The following LY96 variants were observed in gnomAD, a reference collection of about 807,000 sequenced individuals.
LY96 encodes the protein lymphocyte antigen 96.
A neutral mutation model predicts 18.9 loss-of-function variants in LY96; 18 were observed. That is an observed-to-expected ratio of 0.95 (90% CI 0.66 to 1.41). LY96 has a LOEUF of 1.41. Among genes scored for constraint, LY96 ranks in the 40% most tolerant of loss-of-function variants. The probability of loss-of-function intolerance (pLI) is 0.00; values close to 1 mark genes in which losing one functional copy is unlikely to be tolerated. For synonymous variants in LY96, 66 were observed against 62.6 expected (o/e 1.06, Z -0.26); for missense variants, 175 against 182.4 (o/e 0.96, Z 0.23).
intron 1 of LY96, among the ~76,000 whole-genome samples, chr8:73,994,405 G>C (rs899155161): frequency 6.6e-6 from 1 of 152,182 alleles, no homozygotes; most frequent in African/African-American, 2.4e-5. Context: ...GAGGGTGTTG[G>C]TGACAACAAC....
intron 1 of LY96, among the ~76,000 whole-genome samples, chr8:73,999,449 G>A (rs1181419748): frequency 4.6e-5 from 7 of 151,582 alleles, no homozygotes; most frequent in Admixed American, 1.3e-4. Flanking sequence ...TTGTACAGAC[G>A]GGGTTTTGCC....
chr8:74,002,746 A>T (rs1586649385), intron 1 of LY96, among the ~76,000 whole-genome samples: 4 of 150,872 alleles, frequency 2.7e-5, no homozygotes, highest in Admixed American at 2.6e-4. Flanking sequence ...TAATTTTTGT[A>T]TTTTTTTCAT....
At chr8:74,055,792 A>T in the LY96 span, 1 of 152,280 alleles carries the variant, frequency 6.6e-6, no homozygotes, top group East Asian at 1.9e-4. Context: ...AGGCATGAGA[A>T]GCATTTGCGT....
chr8:74,037,350 C>T, the LY96 span, among the ~76,000 whole-genome samples: 1 of 152,110 alleles, frequency 6.6e-6, no homozygotes, highest in Non-Finnish European at 1.5e-5. Flanking sequence ...AAATAAGAGC[C>T]TGGCGTGGTG....
chr8:74,014,270 T>G (rs2131272081), intron 3 of LY96, among the ~76,000 whole-genome samples: 1 of 148,340 alleles, frequency 6.7e-6, no homozygotes, highest in East Asian at 2.0e-4. Flanking sequence ...AAAAATTAGC[T>G]GGGTGTGGTG....
intron 3 of LY96, among the ~76,000 whole-genome samples, chr8:74,012,500 C>G (rs1029577789): frequency 6.6e-6 from 1 of 152,030 alleles, no homozygotes; most frequent in East Asian, 1.9e-4. Flanking sequence ...ACATGTACTA[C>G]AGAGTGGAAT....
At chr8:74,053,540 C>G in the LY96 span, among the ~76,000 whole-genome samples, 1 of 152,148 alleles carries the variant, frequency 6.6e-6, no homozygotes, top group African/African-American at 2.4e-5. Context: ...CTTGTCTGTG[C>G]TTCAGATACT....
chr8:74,094,166 G>A, the LY96 span, among the ~76,000 whole-genome samples: 2 of 152,056 alleles, frequency 1.3e-5, no homozygotes, highest in Non-Finnish European at 2.9e-5. Context: ...AATTGTGGGT[G>A]GGGTGTGGGT....
the LY96 span, among the ~76,000 whole-genome samples, chr8:74,088,480 C>A: frequency 1.3e-5 from 2 of 152,154 alleles, no homozygotes; most frequent in East Asian, 3.8e-4. Flanking sequence ...CACCACATAC[C>A]CCCAAGCATC....
At chr8:74,019,060 A>G (rs1448838148) in intron 3 of LY96, among the ~76,000 whole-genome samples, 5 of 152,232 alleles carry the variant, frequency 3.3e-5, no homozygotes, top group Non-Finnish European at 5.9e-5. Flanking sequence ...AGAAGGAAAG[A>G]AATAACTAAG....
chr8:74,059,074 A>T, the LY96 span, among the ~76,000 whole-genome samples: 100 of 152,296 alleles, frequency 6.6e-4, no homozygotes, highest in East Asian at 0.017. Context: ...ACATTGGGGA[A>T]GGCCATCATC....
In LY96 at chr8:74,010,177, T is replaced by C. The variant is rs763729930; in HGVS notation, c.331+48T>C. 6 of 1,534,194 alleles carry C rather than the reference T, an allele frequency of 3.9e-6. No individual in the cohort carries two copies. In the South Asian group the frequency reaches 5.7e-5, roughly 15 times the overall value. Reference sequence around the variant, plus strand: ...TTTTAGAATAGGAAATAATTCTTTATGAAAATGTTATGAAAATTAAATACA... The same window carrying C: ...TTTTAGAATAGGAAATAATTCTTTACGAAAATGTTATGAAAATTAAATACA... On this transcript the variant is annotated intron_variant, in intron 3 of 4. Transcript: ENST00000284818.
intron 2 of LY96, among the ~76,000 whole-genome samples, chr8:74,007,478 T>C (rs10504554): frequency 0.26 from 39,735 of 152,178 alleles, 6,992 homozygotes; most frequent in African/African-American, 0.5. Flanking sequence ...TGGTATAAAG[T>C]GTGAGGCCAC....
At chr8:74,087,947 T>C in the LY96 span, among the ~76,000 whole-genome samples, 1 of 152,172 alleles carries the variant, frequency 6.6e-6, no homozygotes, top group Admixed American at 6.5e-5. Context: ...TTCTTTTTCT[T>C]GTCTGAATCC....
chr8:74,084,902 A>G, the LY96 span, among the ~76,000 whole-genome samples: 3 of 152,352 alleles, frequency 2.0e-5, no homozygotes, highest in African/African-American at 7.2e-5. Flanking sequence ...GGCGTGAGCC[A>G]CCGCACCCAG....
chr8:74,006,218 G>T (rs1816407757), intron 2 of LY96, among the ~76,000 whole-genome samples: 1 of 151,976 alleles, frequency 6.6e-6, no homozygotes, highest in Non-Finnish European at 1.5e-5. Context: ...CTTTTGAGAT[G>T]GAGTCTCTGT....
chr8:74,008,023 G>C (rs897265991), intron 2 of LY96, among the ~76,000 whole-genome samples: 7 of 152,180 alleles, frequency 4.6e-5, no homozygotes, highest in Non-Finnish European at 1.0e-4. Context: ...GCCTCTCAAA[G>C]TGCTAGGATT....
At chr8:74,065,059 T>C in the LY96 span, among the ~76,000 whole-genome samples, 7,121 of 152,270 alleles carry the variant, frequency 0.047, 424 homozygotes, top group African/African-American at 0.13. Flanking sequence ...AATTTCCAAC[T>C]GTGATGCCCA....
chr8:74,080,996 TTC>T, the LY96 span, among the ~76,000 whole-genome samples: 2 of 103,718 alleles, frequency 1.9e-5, no homozygotes, highest in African/African-American at 1.1e-4. Context: ...CTTTCTTTCT[TTC>T]TTTCTTTCTT....
Sources: gnomAD v4.1 joint callset for allele counts (sites outside exome capture counted in the v4.1 genomes callset) on GRCh38, gnomAD v4.1.1 for gene constraint, MANE v1.5 for transcripts, NCBI Gene and HGNC (gene_info 2026-07-23, HGNC 2026-07-21) for gene names.